CAMK4: variants seen among roughly 807,000 people sequenced by gnomAD.
CAMK4 encodes the protein calcium/calmodulin dependent protein kinase IV.
Under a neutral mutation model 44.9 loss-of-function variants are expected in CAMK4, and 22 were observed. The observed-to-expected ratio is 0.49, with a 90% CI of 0.35 to 0.70. The LOEUF (loss-of-function observed/expected upper bound fraction) is 0.70. Ranked by LOEUF, CAMK4 falls within the 30% of genes least tolerant of loss-of-function variation. The pLI is 0.01. For synonymous variants in CAMK4, 218 were observed against 215.4 expected, an observed-to-expected ratio of 1.01 and a Z score of -0.11; for missense variants, 498 against 586.8, an observed-to-expected ratio of 0.85 and a Z score of 1.56.
In CAMK4 at chr5:111,493,138, C is replaced by T. The variant is rs1359771661; in HGVS notation, c.*8672C>T. The T allele has an allele frequency of 1.3e-5, 2 of 152,192 alleles. No individual in the cohort carries two copies. The highest frequency in any genetic ancestry group is 2.4e-5 in the African/African-American group (1 of 41,438). 9.4% of individuals were successfully genotyped at this position (152,192 alleles called of 1,614,324 possible). A position where few individuals can be genotyped will look rare whatever the true frequency, so the allele number is the denominator to read the frequency against. Reference sequence around the variant, plus strand: ...TCATCTCGTGCAAAATTGAATTAGACTTCCTTACTCCTTCCTTACTCTGGG... The same window carrying T: ...TCATCTCGTGCAAAATTGAATTAGATTTCCTTACTCCTTCCTTACTCTGGG... On this transcript the variant is annotated 3_prime_UTR_variant, in exon 11 of 11. Coordinates refer to ENST00000282356, the MANE Select transcript of CAMK4 (RefSeq NM_001744.6). The surrounding 1 kb of genome is among the most constrained non-coding windows in gnomAD (Gnocchi z 4.1).
chr5:111,446,053 T>C (rs1754017139), intron 5 of CAMK4, among the ~76,000 whole-genome samples: 1 of 152,166 alleles, frequency 6.6e-6, no homozygotes, highest in African/African-American at 2.4e-5. Flanking sequence ...TAAAGTACAA[T>C]AAAATGAGCA....
intron 5 of CAMK4, among the ~76,000 whole-genome samples, chr5:111,402,604 G>A (rs1204644981): frequency 6.6e-6 from 1 of 152,180 alleles, no homozygotes; most frequent in Non-Finnish European, 1.5e-5. Flanking sequence ...GATCTCCCTT[G>A]TAGGAAGATG....
At chr5:111,459,718 G>A (rs1159703697) in intron 7 of CAMK4, among the ~76,000 whole-genome samples, 7 of 114,392 alleles carry the variant, frequency 6.1e-5, no homozygotes, top group Non-Finnish European at 6.6e-5. Flanking sequence ...TTTTTGAGAC[G>A]GAGCCTCGCT....
chr5:111,263,295 ATTATTG>A (rs1227328634), intron 1 of CAMK4, among the ~76,000 whole-genome samples: 1 of 152,228 alleles, frequency 6.6e-6, no homozygotes, highest in African/African-American at 2.4e-5. Context: ...ATACATCATA[ATTATTG>A]TTAATGGTAA....
intron 2 of CAMK4, among the ~76,000 whole-genome samples, chr5:111,362,560 A>G (rs1245913600): frequency 6.6e-6 from 1 of 152,082 alleles, no homozygotes; most frequent in African/African-American, 2.4e-5. Context: ...TGGTGGATAT[A>G]TTCCTCACTC....
At chr5:111,467,109 G>T (rs1392318541) in intron 7 of CAMK4, among the ~76,000 whole-genome samples, 2 of 152,026 alleles carry the variant, frequency 1.3e-5, no homozygotes, top group African/African-American at 4.8e-5. Context: ...TTCGACAAAT[G>T]GTGATGGGAT....
chr5:111,488,332 C>G lies in CAMK4; in HGVS notation c.*3866C>G, dbSNP rs927923967. 8 of 152,158 alleles carry G rather than the reference C, an allele frequency of 5.3e-5. No individual in the cohort carries two copies. The highest frequency in any genetic ancestry group is 1.7e-4 in the African/African-American group (7 of 41,448). The allele number at this position is 152,158 out of a possible 1,614,324, so 9.4% of individuals were successfully genotyped here. ...TAAGATTTCCTTAGAAGGGTTTAAT[C>G]AACACTGCCATTACACATGGATTTA... On this transcript the variant is annotated 3_prime_UTR_variant, in exon 11 of 11. Transcript: ENST00000282356.
intron 1 of CAMK4, among the ~76,000 whole-genome samples, chr5:111,318,845 T>C (rs1183116578): frequency 1.3e-5 from 2 of 152,206 alleles, no homozygotes; most frequent in Non-Finnish European, 2.9e-5. Context: ...TATAATTTTA[T>C]CAGTCTTATG....
intron 4 of CAMK4, among the ~76,000 whole-genome samples, chr5:111,391,524 A>C (rs187477260): frequency 9.5e-4 from 134 of 141,642 alleles, no homozygotes; most frequent in Non-Finnish European, 1.2e-3. Context: ...GAACACCCAT[A>C]AAAAAAAAAC....
chr5:111,430,114 C>A (rs1403626081), intron 5 of CAMK4, among the ~76,000 whole-genome samples: 1 of 152,096 alleles, frequency 6.6e-6, no homozygotes, highest in South Asian at 2.1e-4. Context: ...GGAAGGTAAT[C>A]CATCATGACC....
intron 1 of CAMK4, among the ~76,000 whole-genome samples, chr5:111,333,033 T>C (rs902727117): frequency 1.3e-5 from 2 of 151,582 alleles, no homozygotes; most frequent in African/African-American, 4.8e-5. Context: ...AAAATGCAAA[T>C]TGAGGACTGA....
intron 1 of CAMK4, among the ~76,000 whole-genome samples, chr5:111,248,850 T>C (rs1055254888): frequency 2.0e-5 from 3 of 152,082 alleles, no homozygotes; most frequent in Non-Finnish European, 4.4e-5. Context: ...GTTAGATCCA[T>C]TAGCCAGGAA....
At chr5:111,348,540 A>G (rs189193775) in intron 2 of CAMK4, among the ~76,000 whole-genome samples, 4 of 152,106 alleles carry the variant, frequency 2.6e-5, no homozygotes, top group Non-Finnish European at 4.4e-5. Flanking sequence ...CATGTATTTA[A>G]TATATAGAGA....
intron 5 of CAMK4, among the ~76,000 whole-genome samples, chr5:111,407,210 G>T (rs1431151890): frequency 6.6e-6 from 1 of 152,048 alleles, no homozygotes; most frequent in Non-Finnish European, 1.5e-5. Flanking sequence ...AATTAGCTGG[G>T]CATGACGGCA....
At chr5:111,409,062 G>A (rs1364300854) in intron 5 of CAMK4, among the ~76,000 whole-genome samples, 1 of 152,146 alleles carries the variant, frequency 6.6e-6, no homozygotes, top group Non-Finnish European at 1.5e-5. Context: ...GGTTGTTGGT[G>A]GATCTACCAT....
At chr5:111,452,965 G>C (rs1754287554) in intron 7 of CAMK4, among the ~76,000 whole-genome samples, 1 of 151,966 alleles carries the variant, frequency 6.6e-6, no homozygotes, top group South Asian at 2.1e-4. Context: ...AAATAAAAGT[G>C]TTTTTTTGGC....
At chr5:111,233,908 G>C (rs73786834) in intron 1 of CAMK4, among the ~76,000 whole-genome samples, 2 of 152,272 alleles carry the variant, frequency 1.3e-5, no homozygotes, top group East Asian at 3.9e-4. Flanking sequence ...TGGGATGCCC[G>C]TAGCCAGGGT....
At chr5:111,411,050 T>C (rs1752615378) in intron 5 of CAMK4, among the ~76,000 whole-genome samples, 1 of 152,184 alleles carries the variant, frequency 6.6e-6, no homozygotes, top group African/African-American at 2.4e-5. Context: ...AAAGTTTTAA[T>C]GCTTCTAGGA....
chr5:111,430,876 C>T (rs775361600), intron 5 of CAMK4, among the ~76,000 whole-genome samples: 14 of 151,952 alleles, frequency 9.2e-5, no homozygotes, highest in Non-Finnish European at 2.1e-4. Flanking sequence ...GCCCTTACTA[C>T]CCAAGGCAAT....
Sources: gnomAD v4.1 joint callset for allele counts (sites outside exome capture counted in the v4.1 genomes callset) on GRCh38, gnomAD v4.1.1 for gene constraint, Gnocchi (gnomAD v3.1) non-coding constraint, MANE v1.5 for transcripts, NCBI Gene and HGNC (gene_info 2026-07-23, HGNC 2026-07-21) for gene names.